Variants in STIM2 observed in about 807,000 individuals in gnomAD.
The protein encoded by STIM2 is stromal interaction molecule 2.
A neutral mutation model predicts 85.8 loss-of-function variants in STIM2; 31 were observed. The observed-to-expected ratio is 0.36, with a 90% CI of 0.27 to 0.49. The LOEUF (loss-of-function observed/expected upper bound fraction) is 0.49. Ranked by LOEUF, STIM2 falls within the 20% of genes least tolerant of loss-of-function variation. The pLI, the probability that STIM2 is intolerant of heterozygous loss-of-function variation, is 0.98. For synonymous variants in STIM2, 356 were observed against 331.1 expected (o/e 1.08, Z -0.82); for missense variants, 841 against 927.6 (o/e 0.91, Z 1.21).
At chr4:26,971,543 C>T (rs1445157078) in intron 3 of STIM2, among the ~76,000 whole-genome samples, 1 of 152,150 alleles carries the variant, frequency 6.6e-6, no homozygotes, top group Non-Finnish European at 1.5e-5. Flanking sequence ...TGTCAAAGAT[C>T]AGATGGTTGT....
chr4:27,022,993 GTGAAC>G lies in STIM2; in HGVS notation c.2241_*4del. On this transcript the variant is annotated stop_lost and 3_prime_UTR_variant, in exon 12 of 12. Coordinates refer to ENST00000467087, the MANE Select transcript of STIM2 (RefSeq NM_020860.4). Reference sequence around the variant, plus strand: ...AAAGCCTTTTTAAGAAGAAATCTAAGTGAACTGGCTGACTTGATGGAATCATGTTC... The same window carrying G: ...AAAGCCTTTTTAAGAAGAAATCTAAGTGGCTGACTTGATGGAATCATGTTC... 6.2e-7 allele frequency: 1 copy of G among 1,609,452 alleles called. No homozygotes were observed. The highest frequency in any genetic ancestry group is 8.5e-7 in the Non-Finnish European group (1 of 1,179,368).
intron 10 of STIM2, among the ~76,000 whole-genome samples, chr4:27,015,921 T>G (rs1728717916): frequency 6.6e-6 from 1 of 152,040 alleles, no homozygotes; most frequent in Admixed American, 6.5e-5. Flanking sequence ...TCTGGAATAT[T>G]AGTTATGTAG....
intron 1 of STIM2, among the ~76,000 whole-genome samples, chr4:26,873,392 T>A (rs1206658195): frequency 6.7e-6 from 1 of 150,190 alleles, no homozygotes; most frequent in Non-Finnish European, 1.5e-5. Context: ...AGAGTGAGAC[T>A]CCGTCTTTAA....
At chr4:26,901,606 A>C (rs1723922840) in intron 1 of STIM2, among the ~76,000 whole-genome samples, 1 of 152,134 alleles carries the variant, frequency 6.6e-6, no homozygotes, top group South Asian at 2.1e-4. Context: ...TAGCGATATT[A>C]AATCTGTGGT....
chr4:27,014,012 G>T (rs1728647894), intron 10 of STIM2, among the ~76,000 whole-genome samples: 1 of 151,778 alleles, frequency 6.6e-6, no homozygotes, highest in African/African-American at 2.4e-5. Context: ...AAAATTTATT[G>T]GCTTTAAGTT....
intron 1 of STIM2, among the ~76,000 whole-genome samples, chr4:26,898,898 C>T (rs530240021): frequency 6.6e-6 from 1 of 151,972 alleles, no homozygotes; most frequent in South Asian, 2.1e-4. Context: ...AGCAATCTTT[C>T]TAAATTCTTG....
intron 1 of STIM2, among the ~76,000 whole-genome samples, chr4:26,898,722 A>G (rs1444109659): frequency 1.3e-5 from 2 of 152,148 alleles, no homozygotes; most frequent in African/African-American, 4.8e-5. Flanking sequence ...CTTGCAATCT[A>G]CAGAAGACAC....
intron 1 of STIM2, among the ~76,000 whole-genome samples, chr4:26,888,256 C>T (rs566631705): frequency 9.9e-5 from 15 of 152,280 alleles, no homozygotes; most frequent in Admixed American, 3.3e-4. Context: ...TCCAAATGAA[C>T]GCAATAACAA....
At chr4:26,936,046 T>A (rs985727440) in intron 2 of STIM2, among the ~76,000 whole-genome samples, 3 of 152,198 alleles carry the variant, frequency 2.0e-5, no homozygotes, top group Non-Finnish European at 4.4e-5. Flanking sequence ...GTTGTATTTG[T>A]CTTTTTTATG....
At chr4:26,861,522 C>T (rs1722193600) in intron 1 of STIM2, 153 bp downstream of exon 1, 17 of 1,153,118 alleles carry the variant, frequency 1.5e-5, no homozygotes, top group South Asian at 3.9e-5. Context: ...TCGCGGTCCC[C>T]TGCACTCCGG....
intron 3 of STIM2, among the ~76,000 whole-genome samples, chr4:26,992,539 GA>G (rs1354602059): frequency 2.6e-5 from 4 of 151,224 alleles, no homozygotes; most frequent in African/African-American, 4.9e-5. Context: ...ACAAAAAAAG[GA>G]AAAAAAAGGT....
chr4:26,896,647 A>G (rs1178608011), intron 1 of STIM2, among the ~76,000 whole-genome samples: 3 of 152,212 alleles, frequency 2.0e-5, no homozygotes, highest in Admixed American at 6.5e-5. Context: ...TTTTCCCCAG[A>G]TGTGACATCT....
At chr4:26,904,024 C>T (rs937128754) in intron 1 of STIM2, among the ~76,000 whole-genome samples, 1 of 151,520 alleles carries the variant, frequency 6.6e-6, no homozygotes, top group African/African-American at 2.4e-5. Flanking sequence ...TATACCTGTG[C>T]CATGCTGGTG....
At chr4:26,913,239 A>G (rs1724406841) in intron 1 of STIM2, among the ~76,000 whole-genome samples, 1 of 152,112 alleles carries the variant, frequency 6.6e-6, no homozygotes, top group African/African-American at 2.4e-5. Flanking sequence ...GTAACATACA[A>G]TAATAATTTA....
At chr4:26,936,884 G>T (rs1725411704) in intron 2 of STIM2, among the ~76,000 whole-genome samples, 1 of 152,130 alleles carries the variant, frequency 6.6e-6, no homozygotes, top group Non-Finnish European at 1.5e-5. Flanking sequence ...TGACCTCCTG[G>T]ACTCCAGGCA....
intron 2 of STIM2, among the ~76,000 whole-genome samples, chr4:26,945,915 C>T (rs1661055688): frequency 6.6e-6 from 1 of 152,078 alleles, no homozygotes; most frequent in South Asian, 2.1e-4. Flanking sequence ...TCTCGGAATC[C>T]ATGGCATGTT....
chr4:26,956,726 T>G (rs1489035025), intron 2 of STIM2, among the ~76,000 whole-genome samples: 4 of 152,154 alleles, frequency 2.6e-5, no homozygotes, highest in Non-Finnish European at 4.4e-5. Context: ...TTGAGAAGAT[T>G]ATTATTTATT....
intron 2 of STIM2, among the ~76,000 whole-genome samples, chr4:26,936,027 T>C (rs1577448608): frequency 6.6e-6 from 1 of 152,170 alleles, no homozygotes; most frequent in African/African-American, 2.4e-5. Context: ...TCAGTTACTA[T>C]AAAGCAGGGT....
At position 27,022,911 on chromosome 4, in the gene STIM2, G is replaced by A. The variant is rs1406006983; in HGVS notation, c.2156G>A (p.Ser719Asn). The stretch of plus-strand genomic sequence containing the variant: ...GCCCCAAGTGTTGCCAGAATAAGCA[G>A]CATCCCACATGACCTTTGTCATAAT... The change falls in exon 12 of 12, where the codon AGC becomes AAC. Residue 719 changes from serine to asparagine, a missense_variant. This residue lies in a region of STIM2 where 293 missense variants were observed against 284.5 expected (regional missense o/e 1.03). Transcript: ENST00000467087. 1.2e-5 allele frequency: 19 copies of A among 1,614,068 alleles called. No individual in the cohort carries two copies. Among genetic ancestry groups the A allele is most frequent in the East Asian group, 2.2e-5 (1 of 44,896 alleles).
Sources: allele counts gnomAD v4.1 joint callset (sites outside exome capture counted in the v4.1 genomes callset), GRCh38; gene constraint gnomAD v4.1.1; regional missense constraint gnomAD v4.1.1; transcripts MANE v1.5; gene names NCBI Gene and HGNC (gene_info 2026-07-23, HGNC 2026-07-21).